The following MLLT3 variants were observed in gnomAD, a reference collection of about 807,000 sequenced individuals.
The protein encoded by MLLT3 is protein AF-9.
A neutral mutation model predicts 53.2 loss-of-function variants in MLLT3; 4 were observed. The observed-to-expected ratio is 0.08, with a 90% confidence interval of 0.04 to 0.17. MLLT3 has a LOEUF of 0.17. Among genes scored for constraint, MLLT3 ranks in the 10% least tolerant of loss-of-function variants. MLLT3 has a pLI of 1.00. For missense variants in MLLT3, 569 were observed against 684.0 expected, an observed-to-expected ratio of 0.83 and a Z score of 1.87; for synonymous variants, 283 against 230.6, an observed-to-expected ratio of 1.23 and a Z score of -2.06.
intron 5 of MLLT3, among the ~76,000 whole-genome samples, chr9:20,368,992 C>T (rs966517562): frequency 6.6e-6 from 1 of 152,150 alleles, no homozygotes; most frequent in Non-Finnish European, 1.5e-5. Context: ...TGGTGGACAA[C>T]AGAATGACAG....
rs376115257 is a variant in MLLT3 at position 20,354,858 on chromosome 9, T to C, written c.1453A>G (p.Ile485Val). 8.1e-6 allele frequency: 13 copies of C among 1,612,766 alleles called. No individual in the cohort carries two copies. The highest frequency in any genetic ancestry group is 1.0e-5 in the Non-Finnish European group (12 of 1,179,084). Reference protein sequence around the residue: ...NNQILEVKSPIKQSKSDKQIK... With the variant: ...NNQILEVKSPVKQSKSDKQIK... Reference sequence around the variant, plus strand: ...TGCTTATCTGATTTGCTTTGCTTTATTGGACTTTTCACTTCAAGAATCTAG... The same window carrying C: ...TGCTTATCTGATTTGCTTTGCTTTACTGGACTTTTCACTTCAAGAATCTAG... Residue 485 changes from isoleucine (I) to valine (V), a missense_variant, in exon 9 of 11, where the codon ATA (isoleucine) becomes GTA (valine). Ile to Val is a conservative substitution (Grantham distance 29). Transcript: ENST00000380338.
intron 2 of MLLT3, among the ~76,000 whole-genome samples, chr9:20,552,432 G>C (rs1019159600): frequency 3.3e-5 from 5 of 152,076 alleles, no homozygotes; most frequent in Admixed American, 3.3e-4. Flanking sequence ...GACATCACTC[G>C]TGTGAGCAGA....
intron 4 of MLLT3, among the ~76,000 whole-genome samples, chr9:20,446,120 A>G (rs1443565014): frequency 6.6e-6 from 1 of 152,206 alleles, no homozygotes; most frequent in Non-Finnish European, 1.5e-5. Context: ...CTGTGGAATT[A>G]TTATGATTTT....
intron 2 of MLLT3, among the ~76,000 whole-genome samples, chr9:20,514,167 AG>A (rs1448728963): frequency 1.3e-5 from 2 of 152,206 alleles, no homozygotes; most frequent in Non-Finnish European, 2.9e-5. Context: ...ATGGAAGTGT[AG>A]GGGTGTACAT....
intron 5 of MLLT3, among the ~76,000 whole-genome samples, chr9:20,407,197 T>C (rs1378866683): frequency 6.6e-6 from 1 of 152,212 alleles, no homozygotes; most frequent in Non-Finnish European, 1.5e-5. Flanking sequence ...AGGACACCAT[T>C]TGTTATTTGG....
At chr9:20,524,742 C>T (rs1303189362) in intron 2 of MLLT3, among the ~76,000 whole-genome samples, 1 of 152,170 alleles carries the variant, frequency 6.6e-6, no homozygotes, top group Non-Finnish European at 1.5e-5. Flanking sequence ...TTCCCTTCAT[C>T]CCAGCCCAGC....
In MLLT3 at chr9:20,406,408, G is replaced by A. The variant is rs10964553; in HGVS notation, c.1125+7313C>T. Among the ~76,000 whole-genome samples, 490 of 152,192 alleles carry A rather than the reference G, an allele frequency of 3.2e-3. 2 individuals are homozygous for A. The highest frequency in any genetic ancestry group is 0.011 in the African/African-American group (455 of 41,530). Reference sequence around the variant, plus strand: ...ACCTACCACATACATATTTTTAAGCGTTACTGAACATTATTAGAGTAATGA... The same window carrying A: ...ACCTACCACATACATATTTTTAAGCATTACTGAACATTATTAGAGTAATGA... On this transcript the variant is annotated intron_variant, in intron 5 of 10. Coordinates refer to ENST00000380338, the MANE Select transcript of MLLT3 (RefSeq NM_004529.4).
chr9:20,428,417 T>A (rs1823188695), intron 4 of MLLT3, among the ~76,000 whole-genome samples: 1 of 151,950 alleles, frequency 6.6e-6, no homozygotes, highest in Non-Finnish European at 1.5e-5. Context: ...TTAATGTTTT[T>A]AAAAAAACTG....
intron 5 of MLLT3, chr9:20,410,490 A>G (rs1365658877): frequency 1.3e-5 from 2 of 152,156 alleles, no homozygotes; most frequent in Non-Finnish European, 2.9e-5. Context: ...CAAGATCCCT[A>G]GTGGCACTGA....
chr9:20,403,736 C>T (rs964925228), intron 5 of MLLT3, among the ~76,000 whole-genome samples: 5 of 152,078 alleles, frequency 3.3e-5, no homozygotes, highest in African/African-American at 4.8e-5. Context: ...AACTAGGACA[C>T]GTGAAAATAG....
At chr9:20,428,127 G>GA (rs1823181902) in intron 4 of MLLT3, among the ~76,000 whole-genome samples, 1 of 151,848 alleles carries the variant, frequency 6.6e-6, no homozygotes, top group African/African-American at 2.4e-5. Flanking sequence ...CTAAACATCA[G>GA]AAAAACCCTA....
chr9:20,445,667 T>C (rs1182017271), intron 4 of MLLT3, among the ~76,000 whole-genome samples: 1 of 152,116 alleles, frequency 6.6e-6, no homozygotes, highest in Non-Finnish European at 1.5e-5. Context: ...AAGAAAATAA[T>C]AAAAGAGAAG....
At chr9:20,616,866 T>C (rs1427218176) in intron 2 of MLLT3, among the ~76,000 whole-genome samples, 1 of 152,144 alleles carries the variant, frequency 6.6e-6, no homozygotes, top group Non-Finnish European at 1.5e-5. Context: ...TGAGAACATA[T>C]TTGTCAGAAA....
chr9:20,586,397 G>GA lies in MLLT3; in HGVS notation c.193+34256dup, dbSNP rs370657101. ...GGAAATCAAAGTCATTCTGTGACTG[G>GA]AAAGAAAAAAAAAAAAGGAGATTGA... is the stretch of plus-strand genomic sequence containing the variant. On this transcript the variant is annotated intron_variant, in intron 2 of 10. Coordinates refer to ENST00000380338, the MANE Select transcript of MLLT3 (RefSeq NM_004529.4). 8.3e-3 allele frequency among the ~76,000 whole-genome samples: 1,121 copies of GA among 134,856 alleles called. 15 individuals carry two copies. Among genetic ancestry groups the GA allele is most frequent in the East Asian group, 0.036 (172 of 4,742 alleles). The allele number at this position is 134,856 out of a possible 152,430, so 88.5% of individuals were successfully genotyped here.
intron 4 of MLLT3, among the ~76,000 whole-genome samples, chr9:20,417,463 C>A (rs1398608433): frequency 6.6e-6 from 1 of 150,612 alleles, no homozygotes; most frequent in African/African-American, 2.4e-5. Context: ...AACCATTAAC[C>A]TCAACGTTAA....
chr9:20,421,249 G>A (rs893083415), intron 4 of MLLT3, among the ~76,000 whole-genome samples: 2 of 151,952 alleles, frequency 1.3e-5, no homozygotes, highest in African/African-American at 4.8e-5. Context: ...GGGCAATAGA[G>A]CAAGACTCTG....
intron 2 of MLLT3, among the ~76,000 whole-genome samples, chr9:20,595,623 T>G (rs1820242480): frequency 6.6e-6 from 1 of 152,134 alleles, no homozygotes; most frequent in South Asian, 2.1e-4. Flanking sequence ...AATAAAATAG[T>G]TAATTCAAGC....
At chr9:20,470,299 C>G (rs1453279958) in intron 2 of MLLT3, among the ~76,000 whole-genome samples, 2 of 151,878 alleles carry the variant, frequency 1.3e-5, no homozygotes, top group Non-Finnish European at 2.9e-5. Flanking sequence ...ATTTGGGAGG[C>G]ATTATAATCC....
intron 2 of MLLT3, among the ~76,000 whole-genome samples, chr9:20,518,777 C>G (rs1817979734): frequency 6.6e-6 from 1 of 152,154 alleles, no homozygotes; most frequent in African/African-American, 2.4e-5. Context: ...AAACATCAGA[C>G]AAACCCCAAA....
Sources: allele counts gnomAD v4.1 joint callset (sites outside exome capture counted in the v4.1 genomes callset), GRCh38; gene constraint gnomAD v4.1.1; transcripts MANE v1.5; gene names NCBI Gene and HGNC (gene_info 2026-07-23, HGNC 2026-07-21).